Variants in CTNNA3 observed in about 807,000 individuals in gnomAD.
CTNNA3 encodes catenin alpha-3.
CTNNA3 carries 76 observed loss-of-function variants against 95.7 expected under a neutral mutation model. That is an observed-to-expected ratio of 0.79 (90% CI 0.66 to 0.96). The LOEUF (loss-of-function observed/expected upper bound fraction) is 0.96, where lower values mean the gene tolerates loss of function less well. Among genes scored for constraint, CTNNA3 ranks in the 40% least tolerant of loss-of-function variants. CTNNA3 has a pLI of 0.00. For missense variants in CTNNA3, 1,191 were observed against 1,089.8 expected (o/e 1.09, Z -1.31); for synonymous variants, 431 against 374.4 (o/e 1.15, Z -1.74).
At chr10:66,952,149 C>T (rs1454906740) in intron 7 of CTNNA3, among the ~76,000 whole-genome samples, 1 of 152,208 alleles carries the variant, frequency 6.6e-6, no homozygotes, top group Non-Finnish European at 1.5e-5. Context: ...ATCACGTCAA[C>T]CACCACTGGA....
intron 13 of CTNNA3, among the ~76,000 whole-genome samples, chr10:66,177,187 A>C (rs2131846138): frequency 6.6e-6 from 1 of 152,198 alleles, no homozygotes; most frequent in South Asian, 2.1e-4. Context: ...GCTTTTCCTG[A>C]CCTCTTTATT....
intron 1 of CTNNA3, among the ~76,000 whole-genome samples, chr10:67,693,337 C>A (rs1452413070): frequency 1.3e-5 from 2 of 152,136 alleles, no homozygotes; most frequent in African/African-American, 2.4e-5. Context: ...ATCCAGTATC[C>A]AAACAAGAAT....
At chr10:67,619,236 C>T (rs73268188) in intron 2 of CTNNA3, among the ~76,000 whole-genome samples, 20,203 of 152,076 alleles carry the variant, frequency 0.13, 2,407 homozygotes, top group African/African-American at 0.32. Flanking sequence ...GCTATATTAA[C>T]CAAAACAGCA....
chr10:66,401,859 A>G (rs967005152), intron 11 of CTNNA3, among the ~76,000 whole-genome samples: 3 of 151,934 alleles, frequency 2.0e-5, no homozygotes, highest in Non-Finnish European at 4.4e-5. Context: ...GGGTTTCGCC[A>G]TGTTGGCCAG....
intron 7 of CTNNA3, among the ~76,000 whole-genome samples, chr10:66,958,808 AAAG>A (rs780794265): frequency 6.6e-6 from 1 of 152,138 alleles, no homozygotes; most frequent in Non-Finnish European, 1.5e-5. Flanking sequence ...ATGACTGCTC[AAAG>A]AAGAAGGAAA....
At chr10:67,203,327 T>C (rs1400085953) in intron 6 of CTNNA3, among the ~76,000 whole-genome samples, 2 of 152,198 alleles carry the variant, frequency 1.3e-5, no homozygotes, top group Non-Finnish European at 2.9e-5. Context: ...CCTGGCACCA[T>C]GTAAGAAGTA....
chr10:67,545,758 T>C (rs1840827758), intron 3 of CTNNA3, among the ~76,000 whole-genome samples: 1 of 152,216 alleles, frequency 6.6e-6, no homozygotes, highest in South Asian at 2.1e-4. Context: ...AAAACGACTA[T>C]ATAAGTTATG....
At chr10:67,083,178 A>C (rs1366047425) in intron 7 of CTNNA3, among the ~76,000 whole-genome samples, 1 of 152,206 alleles carries the variant, frequency 6.6e-6, no homozygotes, top group African/African-American at 2.4e-5. Flanking sequence ...GAGAAAAAAA[A>C]AAACTTCCTT....
intron 1 of CTNNA3, among the ~76,000 whole-genome samples, chr10:67,668,349 C>G (rs928127195): frequency 6.6e-6 from 1 of 152,118 alleles, no homozygotes; most frequent in African/African-American, 2.4e-5. Context: ...ATAGTCCCCC[C>G]TTATAGACAA....
intron 9 of CTNNA3, among the ~76,000 whole-genome samples, chr10:66,628,968 C>A (rs1406727330): frequency 3.3e-5 from 5 of 151,900 alleles, no homozygotes; most frequent in East Asian, 1.9e-4. Flanking sequence ...AGAAAAAGTT[C>A]TTGGAGGTAT....
chr10:66,288,666 A>G (rs956168780), intron 12 of CTNNA3, among the ~76,000 whole-genome samples: 17 of 152,058 alleles, frequency 1.1e-4, no homozygotes, highest in African/African-American at 4.1e-4. Context: ...GCTCAGTTCT[A>G]TCATCACAAA....
intron 7 of CTNNA3, among the ~76,000 whole-genome samples, chr10:66,857,409 A>G (rs561107040): frequency 3.3e-5 from 5 of 151,082 alleles, no homozygotes; most frequent in Admixed American, 6.6e-5. Context: ...TTTGTTCCAC[A>G]TGAACTTTAA....
intron 9 of CTNNA3, among the ~76,000 whole-genome samples, chr10:66,633,628 C>T (rs1005256437): frequency 2.6e-5 from 4 of 151,776 alleles, no homozygotes; most frequent in Non-Finnish European, 2.9e-5. Context: ...TGCAGTGAGC[C>T]GAGATCCTGC....
intron 11 of CTNNA3, among the ~76,000 whole-genome samples, chr10:66,417,116 T>C (rs551861357): frequency 3.3e-5 from 5 of 152,128 alleles, no homozygotes; most frequent in African/African-American, 1.2e-4. Context: ...TTTAAAAAAA[T>C]GATCCAACTA....
chr10:66,592,020 G>T (rs1003793553), intron 10 of CTNNA3, among the ~76,000 whole-genome samples: 4 of 150,928 alleles, frequency 2.7e-5, no homozygotes, highest in Non-Finnish European at 5.9e-5. Flanking sequence ...TACAAGCGAT[G>T]AATTTAATTG....
chr10:66,690,111 C>G lies in CTNNA3; in HGVS notation c.1282-68327G>C, dbSNP rs140349987. On this transcript the variant is annotated intron_variant, in intron 9 of 17. Transcript: ENST00000433211. ...AGTCTTAAAGCTTAATAAAGTATCCCTCAAAAATAAAGAATAAGAGGTGTG... is the reference window on the plus strand; with the variant it reads ...AGTCTTAAAGCTTAATAAAGTATCCGTCAAAAATAAAGAATAAGAGGTGTG... 8.9e-3 allele frequency among the ~76,000 whole-genome samples: 1,357 copies of G among 151,964 alleles called. 14 individuals carry two copies. The highest frequency in any genetic ancestry group is 0.014 in the Middle Eastern group (4 of 294).
intron 9 of CTNNA3, among the ~76,000 whole-genome samples, chr10:66,724,738 G>T (rs372850756): frequency 6.6e-6 from 1 of 152,042 alleles, no homozygotes; most frequent in Non-Finnish European, 1.5e-5. Flanking sequence ...TGTGAAAATC[G>T]CTATCACCTT....
intron 7 of CTNNA3, among the ~76,000 whole-genome samples, chr10:67,051,090 C>A (rs1487130398): frequency 1.3e-5 from 2 of 152,124 alleles, no homozygotes; most frequent in Non-Finnish European, 2.9e-5. Context: ...TACAAATTAA[C>A]CAATAAAATA....
At chr10:67,720,668 TG>T (rs1300783554) in intron 1 of CTNNA3, among the ~76,000 whole-genome samples, 1 of 152,104 alleles carries the variant, frequency 6.6e-6, no homozygotes, top group Non-Finnish European at 1.5e-5. Context: ...TCTTTAAGAA[TG>T]TTAGCTGGGC....
Sources: gnomAD v4.1 joint callset for allele counts (sites outside exome capture counted in the v4.1 genomes callset) on GRCh38, gnomAD v4.1.1 for gene constraint, MANE v1.5 for transcripts, NCBI Gene and HGNC (gene_info 2026-07-23, HGNC 2026-07-21) for gene names.